MAPK4: variants seen among roughly 807,000 people sequenced by gnomAD.
The protein encoded by MAPK4 is mitogen-activated protein kinase 4, also known as Erk3-related.
MAPK4 carries 22 observed loss-of-function variants against 47.7 expected under a neutral mutation model. That is an observed-to-expected ratio of 0.46 (90% CI 0.33 to 0.66). The LOEUF (loss-of-function observed/expected upper bound fraction) is 0.66, where lower values mean the gene tolerates loss of function less well. Ranked by LOEUF, MAPK4 falls within the 30% of genes least tolerant of loss-of-function variation. The probability of loss-of-function intolerance (pLI) is 0.02; values close to 1 mark genes in which losing one functional copy is unlikely to be tolerated. For synonymous variants in MAPK4, 390 were observed against 365.7 expected (o/e 1.07, Z -0.76); for missense variants, 736 against 831.7 (o/e 0.88, Z 1.42).
intron 1 of MAPK4, among the ~76,000 whole-genome samples, chr18:50,631,801 A>G (rs1598846543): frequency 6.6e-6 from 1 of 152,332 alleles, no homozygotes; most frequent in Non-Finnish European, 1.5e-5. Context: ...AAACGTGGAA[A>G]AGTTGTCTGA....
At chr18:50,713,159 A>T (rs1361253300) in intron 2 of MAPK4, among the ~76,000 whole-genome samples, 1 of 152,212 alleles carries the variant, frequency 6.6e-6, no homozygotes, top group Non-Finnish European at 1.5e-5. Context: ...GTTTGAGATG[A>T]TGGAATTGTT....
At chr18:50,621,376 C>T (rs954341757) in intron 1 of MAPK4, among the ~76,000 whole-genome samples, 11 of 152,080 alleles carry the variant, frequency 7.2e-5, no homozygotes, top group African/African-American at 2.7e-4. Context: ...CATAGTGCTG[C>T]AGGGAATGAG....
At chr18:50,693,075 G>C (rs1332452853) in intron 2 of MAPK4, among the ~76,000 whole-genome samples, 1 of 152,080 alleles carries the variant, frequency 6.6e-6, no homozygotes, top group African/African-American at 2.4e-5. Flanking sequence ...GGCCAACATG[G>C]TGAAACCCTG....
intron 2 of MAPK4, among the ~76,000 whole-genome samples, chr18:50,711,824 GTTT>G (rs35984682): frequency 1.4e-5 from 2 of 141,018 alleles, no homozygotes; most frequent in Admixed American, 7.1e-5. Context: ...ATTCTTTAAA[GTTT>G]TTTTTTTTTT....
At chr18:50,643,777 C>G (rs2042962992) in intron 1 of MAPK4, among the ~76,000 whole-genome samples, 1 of 152,172 alleles carries the variant, frequency 6.6e-6, no homozygotes, top group African/African-American at 2.4e-5. Context: ...TCTTGTTGAC[C>G]TCAGTCTAGG....
chr18:50,651,493 G>A (rs1219414723), intron 1 of MAPK4, among the ~76,000 whole-genome samples: 6 of 152,182 alleles, frequency 3.9e-5, no homozygotes, highest in Admixed American at 3.9e-4. Flanking sequence ...TCTCCTGCTA[G>A]AACAAGGAGC....
At position 50,577,998 on chromosome 18, in the gene MAPK4, G is replaced by A. The variant is rs539750727; in HGVS notation, c.-871+17755G>A. ...TACTCCAGCCATAGATTTAGCCTTA[G>A]GTGAACTCTGTGTAGTTCAGCAAGT... On this transcript the variant is annotated intron_variant, in intron 1 of 5. Transcript: ENST00000400384. Among the ~76,000 whole-genome samples the A allele has an allele frequency of 7.2e-5, 11 of 152,286 alleles. No individual in the cohort carries two copies. In the South Asian group the frequency reaches 2.1e-3, roughly 29 times the overall value.
chr18:50,704,472 C>T, intron 2 of MAPK4: 1 of 398,162 alleles, frequency 2.5e-6, no homozygotes, highest in Non-Finnish European at 4.4e-6. Flanking sequence ...CAAAGTGAGA[C>T]CCTGTCTCCA....
rs752402718 is a variant in MAPK4 at position 50,664,526 on chromosome 18, G to A, written c.546+22G>A. 21 of 1,556,968 alleles carry A rather than the reference G, an allele frequency of 1.3e-5. No homozygotes were observed. The highest frequency in any genetic ancestry group is 1.7e-5 in the Non-Finnish European group (20 of 1,148,242). On this transcript the variant is annotated intron_variant, in intron 2 of 5. Transcript: ENST00000400384. The surrounding 1 kb of genome is among the most constrained non-coding windows in gnomAD (Gnocchi z 6.0). ...CAAGGTATGTCTGGCTGGAATGGCG[G>A]ATACTGGTGGTCCACAGAATCCCCA...
At chr18:50,577,126 T>TG (rs1440833147) in intron 1 of MAPK4, among the ~76,000 whole-genome samples, 1 of 152,190 alleles carries the variant, frequency 6.6e-6, no homozygotes, top group Non-Finnish European at 1.5e-5. Flanking sequence ...CTGATTGTTC[T>TG]GGGGTCTAGC....
chr18:50,637,834 AC>A (rs1214349822), intron 1 of MAPK4, among the ~76,000 whole-genome samples: 3 of 152,198 alleles, frequency 2.0e-5, no homozygotes, highest in African/African-American at 7.2e-5. Flanking sequence ...TGTGTGGCCT[AC>A]GTCCTAACCT....
At chr18:50,718,099 G>A (rs577376785) in intron 3 of MAPK4, among the ~76,000 whole-genome samples, 1 of 152,196 alleles carries the variant, frequency 6.6e-6, no homozygotes, top group Non-Finnish European at 1.5e-5. Context: ...AGGTGATTTG[G>A]TTTCAAATAA....
rs1481806026 is a variant in MAPK4, at chr18:50,711,608, C to T, written c.547-3471C>T. On this transcript the variant is annotated intron_variant, in intron 2 of 5. Coordinates refer to ENST00000400384, the MANE Select transcript of MAPK4 (RefSeq NM_002747.4). ...GTGTGCCTGCTGTCCTGCTCACTCC[C>T]TCCTTGGCCACCCTGTGCATGGGCA... Among the ~76,000 whole-genome samples the T allele has an allele frequency of 2.0e-5, 3 of 152,214 alleles. No homozygotes were observed. The East Asian group carries it at 5.8e-4, about 29-fold the overall frequency.
chr18:50,594,673 T>A (rs941112941), intron 1 of MAPK4, among the ~76,000 whole-genome samples: 12 of 152,190 alleles, frequency 7.9e-5, no homozygotes, highest in African/African-American at 2.7e-4. Flanking sequence ...TTTTTAAGAT[T>A]TTTGATTAGA....
chr18:50,683,569 A>C (rs1908707223), intron 2 of MAPK4, among the ~76,000 whole-genome samples: 1 of 151,838 alleles, frequency 6.6e-6, no homozygotes, highest in Admixed American at 6.6e-5. Context: ...TTTTAAAATA[A>C]ATACGTTTAT....
At chr18:50,565,198 G>A (rs1056441003) in intron 1 of MAPK4, among the ~76,000 whole-genome samples, 1 of 152,120 alleles carries the variant, frequency 6.6e-6, no homozygotes, top group Non-Finnish European at 1.5e-5. Context: ...GTTAAACCTA[G>A]GGTGACCTAT....
At position 50,729,606 on chromosome 18, in the gene MAPK4, C is replaced by G. The variant is rs1258451369; in HGVS notation, c.1516C>G (p.His506Asp). ...WVKSTQGGPE[H>D]ASPPADDPER... ...CAAGAGCACGCAGGGCGGCCCAGAG[C>G]ACGCCAGCCCGCCCGCCGACGACCC... is the stretch of plus-strand genomic sequence containing the variant. The change falls in exon 6 of 6, where the codon CAC becomes GAC. Residue 506 changes from histidine to aspartate, a missense_variant. Around this residue, in one of 3 missense-constraint regions of MAPK4, gnomAD observed 377 missense variants for 378.6 expected, o/e 1.00. Transcript: ENST00000400384. The G allele has an allele frequency of 5.8e-6, 8 of 1,375,538 alleles. No homozygotes were observed. The highest frequency in any genetic ancestry group is 7.5e-6 in the Non-Finnish European group (8 of 1,067,346). The allele number at this position is 1,375,538 out of a possible 1,614,324, so 85.2% of individuals were successfully genotyped here. A position where few individuals can be genotyped will look rare whatever the true frequency, so the allele number is the denominator to read the frequency against.
At chr18:50,561,515 G>T (rs2042153207) in intron 1 of MAPK4, among the ~76,000 whole-genome samples, 2 of 152,322 alleles carry the variant, frequency 1.3e-5, no homozygotes, top group South Asian at 4.1e-4. Context: ...CTATGTTCAA[G>T]ATAGCTATGC....
chr18:50,718,621 A>G (rs1393964500), intron 3 of MAPK4, among the ~76,000 whole-genome samples: 1 of 152,238 alleles, frequency 6.6e-6, no homozygotes, highest in East Asian at 1.9e-4. Context: ...TAATCTCTCA[A>G]TCACAGCAAT....
Sources: gnomAD v4.1 joint callset for allele counts (sites outside exome capture counted in the v4.1 genomes callset) on GRCh38, gnomAD v4.1.1 for gene constraint, gnomAD v4.1.1 regional missense constraint, Gnocchi (gnomAD v3.1) non-coding constraint, MANE v1.5 for transcripts, NCBI Gene and HGNC (gene_info 2026-07-23, HGNC 2026-07-21) for gene names.